Variants in KIRREL3 observed in about 807,000 individuals in gnomAD.
KIRREL3 encodes the protein kin of IRRE-like protein 3.
Under a neutral mutation model 89.7 loss-of-function variants are expected in KIRREL3, and 36 were observed. That is an observed-to-expected ratio of 0.40 (90% confidence interval 0.31 to 0.53). The LOEUF (loss-of-function observed/expected upper bound fraction) is 0.53, where lower values mean the gene tolerates loss of function less well. KIRREL3 is among the 20% of genes least tolerant of loss of function. The pLI is 0.49. For synonymous variants in KIRREL3, 445 were observed against 441.4 expected (o/e 1.01, Z -0.10); for missense variants, 864 against 1,056.6 (o/e 0.82, Z 2.53).
Position 126,429,632 on chromosome 11 carries a change from C to G in KIRREL3, c.1697-344G>C, listed in dbSNP as rs1403373908. 6.6e-6 allele frequency among the ~76,000 whole-genome samples: 1 copy of G among 152,234 alleles called. No individual in the cohort carries two copies. The highest frequency in any genetic ancestry group is 2.4e-5 in the African/African-American group (1 of 41,464). ...TCTCACTTCCTTCTAGAAGTCTTCT[C>G]TGACCTGCTCTACCAGGCGGGCTCC... On this transcript the variant is annotated intron_variant, in intron 14 of 16. Coordinates refer to ENST00000525144, the MANE Select transcript of KIRREL3 (RefSeq NM_032531.4). This position sits in a 1 kb window ranked among gnomAD's most constrained non-coding sequence, Gnocchi z 5.2.
At position 126,653,570 on chromosome 11, in the gene KIRREL3, G is replaced by A. The variant is rs1944996631; in HGVS notation, c.56-90658C>T. 6.6e-6 allele frequency among the ~76,000 whole-genome samples: 1 copy of A among 152,146 alleles called. No homozygotes were observed. The highest frequency in any genetic ancestry group is 2.4e-5 in the African/African-American group (1 of 41,440). On this transcript the variant is annotated intron_variant, in intron 1 of 16. Transcript: ENST00000525144. The surrounding 1 kb of genome is among the most constrained non-coding windows in gnomAD (Gnocchi z 5.4). ...ATGAGAAAAAAGCGGCACCGGAAGT[G>A]GCATTTTGCAAACTCCAATCCCCCA...
intron 1 of KIRREL3, among the ~76,000 whole-genome samples, chr11:126,584,694 C>T (rs1185079194): frequency 6.6e-6 from 1 of 152,110 alleles, no homozygotes; most frequent in Non-Finnish European, 1.5e-5. Flanking sequence ...GAAGGTGAAG[C>T]AGGTGGGGTG....
rs190617954 is a variant in KIRREL3, at chr11:126,433,168, C to T, written c.1589-1642G>A. On this transcript the variant is annotated intron_variant, in intron 13 of 16. Coordinates refer to ENST00000525144, the MANE Select transcript of KIRREL3 (RefSeq NM_032531.4). Reference sequence around the variant, plus strand: ...TGCTGGGATTACAGGCGTGAGCCATCGTTCCCGATCAGCAGTTCACAGTCT... The same window carrying T: ...TGCTGGGATTACAGGCGTGAGCCATTGTTCCCGATCAGCAGTTCACAGTCT... Among the ~76,000 whole-genome samples the T allele has an allele frequency of 1.8e-4, 27 of 152,360 alleles. No individual in the cohort carries two copies. The East Asian group carries it at 3.3e-3, about 18-fold the overall frequency.
rs1479698214 is a variant in KIRREL3 at position 126,742,432 on chromosome 11, AT to A, written c.56-179521del. The stretch of plus-strand genomic sequence containing the variant: ...GGACTGATAATATGGAATGGCCAAC[AT>A]GAAGCAGAAGTCAATCTCTTCGTCA... On this transcript the variant is annotated intron_variant, in intron 1 of 16. Coordinates refer to ENST00000525144, the MANE Select transcript of KIRREL3 (RefSeq NM_032531.4). This position sits in a 1 kb window ranked among gnomAD's most constrained non-coding sequence, Gnocchi z 5.3. Among the ~76,000 whole-genome samples, 1 of 152,170 alleles carries A rather than the reference AT, an allele frequency of 6.6e-6. No individual in the cohort carries two copies. Among genetic ancestry groups the A allele is most frequent in the Non-Finnish European group, 1.5e-5 (1 of 68,034 alleles).
chr11:126,473,736 T>C (rs932507641), intron 4 of KIRREL3, among the ~76,000 whole-genome samples: 12 of 152,122 alleles, frequency 7.9e-5, no homozygotes, highest in Non-Finnish European at 1.0e-4. Flanking sequence ...AGCCTCAGCC[T>C]GCACTCCCAG....
intron 1 of KIRREL3, among the ~76,000 whole-genome samples, chr11:126,826,063 T>A (rs1463048270): frequency 6.6e-6 from 1 of 152,116 alleles, no homozygotes; most frequent in Non-Finnish European, 1.5e-5. Context: ...TAGTCACTCA[T>A]CAGATGCCCC....
intron 1 of KIRREL3, among the ~76,000 whole-genome samples, chr11:126,865,878 T>C (rs1025502096): frequency 1.3e-5 from 2 of 152,166 alleles, no homozygotes; most frequent in Non-Finnish European, 2.9e-5. Context: ...TTTTTTTTAA[T>C]TTTAACTTTG....
intron 1 of KIRREL3, among the ~76,000 whole-genome samples, chr11:126,819,234 C>A (rs902077564): frequency 6.6e-6 from 1 of 152,058 alleles, no homozygotes; most frequent in African/African-American, 2.4e-5. Context: ...CAGCCAAGCC[C>A]CTGAGAGCAT....
chr11:126,476,667 G>A lies in KIRREL3; in HGVS notation c.434-3201C>T, dbSNP rs1373536526. Among the ~76,000 whole-genome samples the A allele has an allele frequency of 2.8e-5, 3 of 107,684 alleles. No homozygotes were observed. The highest frequency in any genetic ancestry group is 6.8e-5 in the Non-Finnish European group (3 of 44,404). The allele number at this position is 107,684 out of a possible 152,430, so 70.6% of individuals were successfully genotyped here. On this transcript the variant is annotated intron_variant, in intron 4 of 16. Coordinates refer to ENST00000525144, the MANE Select transcript of KIRREL3 (RefSeq NM_032531.4). The surrounding 1 kb of genome is among the most constrained non-coding windows in gnomAD (Gnocchi z 6.4). ...CACACCAGATGGGGGTGGGGGCTGG[G>A]GGGGGGTGGGGGTTGGTGAGGATGG...
chr11:126,509,482 G>A (rs1033328877), intron 4 of KIRREL3, among the ~76,000 whole-genome samples: 2 of 152,218 alleles, frequency 1.3e-5, no homozygotes, highest in African/African-American at 4.8e-5. Flanking sequence ...TCATGAGGTT[G>A]ACATTAGGAA....
chr11:126,612,226 C>G lies in KIRREL3; in HGVS notation c.56-49314G>C, dbSNP rs573159137. Among the ~76,000 whole-genome samples the G allele has an allele frequency of 1.3e-4, 19 of 151,962 alleles. No individual in the cohort carries two copies. The highest frequency in any genetic ancestry group is 5.2e-4 in the Admixed American group (8 of 15,274). On this transcript the variant is annotated intron_variant, in intron 1 of 16. Coordinates refer to ENST00000525144, the MANE Select transcript of KIRREL3 (RefSeq NM_032531.4). This position sits in a 1 kb window ranked among gnomAD's most constrained non-coding sequence, Gnocchi z 4.5. ...CAGAATTTGAGTATTATATGGACAC[C>G]CTTGGCATATAATAAATGCTCCCTC...
chr11:126,684,924 C>T lies in KIRREL3; in HGVS notation c.56-122012G>A, dbSNP rs532234271. Among the ~76,000 whole-genome samples, 1 of 152,204 alleles carries T rather than the reference C, an allele frequency of 6.6e-6. No homozygotes were observed. The highest frequency in any genetic ancestry group is 2.1e-4 in the South Asian group (1 of 4,818). On this transcript the variant is annotated intron_variant, in intron 1 of 16. Transcript: ENST00000525144. The surrounding 1 kb of genome is among the most constrained non-coding windows in gnomAD (Gnocchi z 4.2). Reference sequence around the variant, plus strand: ...TCCTCAGCAGGACAGGCTTCTTTGTCCTTGTCTCCCCCCTCCCTTTTGTCC... The same window carrying T: ...TCCTCAGCAGGACAGGCTTCTTTGTTCTTGTCTCCCCCCTCCCTTTTGTCC...
In KIRREL3 at chr11:126,563,811, T is replaced by C. The variant is rs1940309850; in HGVS notation, c.56-899A>G. ...CTCTGGTATTTGTGCTTTATCCTGA[T>C]TCATCTTAATCACTTTATGGATCCT... On this transcript the variant is annotated intron_variant, in intron 1 of 16. Coordinates refer to ENST00000525144, the MANE Select transcript of KIRREL3 (RefSeq NM_032531.4). This position sits in a 1 kb window ranked among gnomAD's most constrained non-coding sequence, Gnocchi z 6.8. Among the ~76,000 whole-genome samples, 1 of 152,216 alleles carries C rather than the reference T, an allele frequency of 6.6e-6. No homozygotes were observed. The highest frequency in any genetic ancestry group is 2.4e-5 in the African/African-American group (1 of 41,456).
In KIRREL3 at chr11:126,802,049, C is replaced by T. The variant is rs1951052783; in HGVS notation, c.55+198406G>A. Among the ~76,000 whole-genome samples, 1 of 152,182 alleles carries T rather than the reference C, an allele frequency of 6.6e-6. No homozygotes were observed. Among genetic ancestry groups the T allele is most frequent in the Admixed American group, 6.5e-5 (1 of 15,284 alleles). ...GTTGAAACCTGATTAATTGCTATTC[C>T]ATAGGCAAATGATGCTGCCAAACAG... On this transcript the variant is annotated intron_variant, in intron 1 of 16. Coordinates refer to ENST00000525144, the MANE Select transcript of KIRREL3 (RefSeq NM_032531.4). The surrounding 1 kb of genome is among the most constrained non-coding windows in gnomAD (Gnocchi z 5.2).
rs1410158496 is a variant in KIRREL3, at chr11:126,471,858, CAATT to C, written c.591+1447_591+1450del. On this transcript the variant is annotated intron_variant, in intron 5 of 16. Coordinates refer to ENST00000525144, the MANE Select transcript of KIRREL3 (RefSeq NM_032531.4). This position sits in a 1 kb window ranked among gnomAD's most constrained non-coding sequence, Gnocchi z 5.4. ...TAAAATACACAACATTTTAAAGACA[CAATT>C]AATACGGGGGCCAGTTCAGGGTGCT... Among the ~76,000 whole-genome samples the C allele has an allele frequency of 5.3e-5, 8 of 152,174 alleles. No homozygotes were observed. Among genetic ancestry groups the C allele is most frequent in the Non-Finnish European group, 1.0e-4 (7 of 68,014 alleles).
At chr11:126,915,001 C>T (rs1946980436) in intron 1 of KIRREL3, among the ~76,000 whole-genome samples, 1 of 152,192 alleles carries the variant, frequency 6.6e-6, no homozygotes, top group Non-Finnish European at 1.5e-5. Context: ...AGACTCTGAC[C>T]TTAAAAACCA....
rs1950369884 is a variant in KIRREL3 at position 126,782,842 on chromosome 11, A to C, written c.55+217613T>G. 6.6e-6 allele frequency among the ~76,000 whole-genome samples: 1 copy of C among 152,220 alleles called. No individual in the cohort carries two copies. Among genetic ancestry groups the C allele is most frequent in the Admixed American group, 6.5e-5 (1 of 15,284 alleles). On this transcript the variant is annotated intron_variant, in intron 1 of 16. Coordinates refer to ENST00000525144, the MANE Select transcript of KIRREL3 (RefSeq NM_032531.4). The surrounding 1 kb of genome is among the most constrained non-coding windows in gnomAD (Gnocchi z 4.1). ...ATTTCCCAGCTATATCTCCTGAGAA[A>C]GCCTACTAGCAACAACATTACAGTA...
At chr11:126,440,391 C>T in intron 11 of KIRREL3, 58 bp downstream of exon 11, 4 of 1,498,128 alleles carry the variant, frequency 2.7e-6, no homozygotes, top group Non-Finnish European at 3.6e-6. Flanking sequence ...CAGGTATTGG[C>T]AAAAGTGACT....
In KIRREL3 at chr11:126,872,394, G is replaced by A. The variant is rs149478303; in HGVS notation, c.55+128061C>T. 1.1e-3 allele frequency among the ~76,000 whole-genome samples: 170 copies of A among 152,324 alleles called. 1 individual carries two copies. The highest frequency in any genetic ancestry group is 1.8e-3 in the Non-Finnish European group (125 of 68,016). Reference sequence around the variant, plus strand: ...ATGCTGCTATTCTGGGCATGGGCACGGGGCTTATGGGGTAGCCCTGCTCAG... The same window carrying A: ...ATGCTGCTATTCTGGGCATGGGCACAGGGCTTATGGGGTAGCCCTGCTCAG... On this transcript the variant is annotated intron_variant, in intron 1 of 16. Transcript: ENST00000525144. This position sits in a 1 kb window ranked among gnomAD's most constrained non-coding sequence, Gnocchi z 4.2.
Sources: allele counts gnomAD v4.1 joint callset (sites outside exome capture counted in the v4.1 genomes callset), GRCh38; gene constraint gnomAD v4.1.1; non-coding constraint Gnocchi (gnomAD v3.1); transcripts MANE v1.5; gene names NCBI Gene and HGNC (gene_info 2026-07-23, HGNC 2026-07-21).